Variants in WFS1 observed in about 807,000 individuals in gnomAD.
WFS1 encodes the protein wolframin.
A neutral mutation model predicts 68.5 loss-of-function variants in WFS1; 90 were observed. That is an observed-to-expected ratio of 1.31 (90% CI 1.11 to 1.56). The LOEUF (loss-of-function observed/expected upper bound fraction) is 1.56. WFS1 is among the 40% of genes most tolerant of loss of function. The probability of loss-of-function intolerance (pLI) is 0.00; values close to 1 mark genes in which losing one functional copy is unlikely to be tolerated. For missense variants in WFS1, 1,767 were observed against 1,232.6 expected (o/e 1.43, Z -6.49); for synonymous variants, 860 against 540.7 (o/e 1.59, Z -8.19).
chr4:6,280,581 G>C (rs915719941), intron 2 of WFS1, among the ~76,000 whole-genome samples: 3 of 152,134 alleles, frequency 2.0e-5, no homozygotes, highest in Non-Finnish European at 4.4e-5. Flanking sequence ...GCTAAAGGGC[G>C]GGCTCAGATG....
intron 7 of WFS1, among the ~76,000 whole-genome samples, chr4:6,299,386 C>T (rs1730759324): frequency 6.6e-6 from 1 of 151,640 alleles, no homozygotes; most frequent in Admixed American, 6.6e-5. Context: ...CAGCCTTTGG[C>T]CTTGACTATG....
At chr4:6,299,201 G>A (rs973678387) in intron 7 of WFS1, among the ~76,000 whole-genome samples, 4 of 152,248 alleles carry the variant, frequency 2.6e-5, no homozygotes, top group African/African-American at 9.6e-5. Context: ...CACAGACCAG[G>A]AAGGCATGAG....
In WFS1 at chr4:6,291,185, C is replaced by A. The variant is rs71524346; in HGVS notation, c.461-12C>A. On this transcript the variant is annotated splice_polypyrimidine_tract_variant and intron_variant, in intron 4 of 7. Coordinates refer to ENST00000226760, the MANE Select transcript of WFS1 (RefSeq NM_006005.3). ...GGGCACACAAGGCCTTTGACCACAT[C>A]CTATCCCTCAGGCATCACGTCCGAG... The A allele has an allele frequency of 6.2e-7, 1 of 1,611,730 alleles. No homozygotes were observed. The highest frequency in any genetic ancestry group is 8.5e-7 in the Non-Finnish European group (1 of 1,180,014).
chr4:6,300,505 G>A (rs1730839094), intron 7 of WFS1, 152 bp from the exon 8 acceptor site: 1 of 1,193,170 alleles, frequency 8.4e-7, no homozygotes. Flanking sequence ...GGAGAAGGGG[G>A]GAGGGAGGAC....
intron 7 of WFS1, among the ~76,000 whole-genome samples, chr4:6,300,381 A>C (rs1321799724): frequency 6.6e-6 from 1 of 152,140 alleles, no homozygotes; most frequent in African/African-American, 2.4e-5. Context: ...AGAGAAGCAC[A>C]CATGCATCTA....
intron 1 of WFS1, among the ~76,000 whole-genome samples, chr4:6,275,078 C>T (rs62283057): frequency 0.12 from 18,682 of 152,068 alleles, 1,364 homozygotes; most frequent in Non-Finnish European, 0.16. Context: ...GAGGAACTCA[C>T]GACAATAGGA....
At chr4:6,277,001 C>T (rs918182654) in intron 1 of WFS1, among the ~76,000 whole-genome samples, 3 of 152,268 alleles carry the variant, frequency 2.0e-5, no homozygotes, top group Admixed American at 1.3e-4. Context: ...TCCTTAAATA[C>T]ATCTTCAAAG....
chr4:6,274,110 G>C (rs1312637943), intron 1 of WFS1, among the ~76,000 whole-genome samples: 1 of 151,228 alleles, frequency 6.6e-6, no homozygotes, highest in African/African-American at 2.4e-5. Flanking sequence ...GCAGTGGCGC[G>C]ATCTCGGCTC....
At chr4:6,285,067 G>A (rs1341246437) in intron 2 of WFS1, among the ~76,000 whole-genome samples, 2 of 151,738 alleles carry the variant, frequency 1.3e-5, no homozygotes, top group African/African-American at 4.8e-5. Flanking sequence ...GTGTCCAAAA[G>A]GGCTGCCCTG....
chr4:6,302,757 G>A lies in WFS1; in HGVS notation c.*289G>A, dbSNP rs536159199. On this transcript the variant is annotated 3_prime_UTR_variant, in exon 8 of 8. Coordinates refer to ENST00000226760, the MANE Select transcript of WFS1 (RefSeq NM_006005.3). The stretch of plus-strand genomic sequence containing the variant: ...GTGCCAGGCTAGACTAGGAGGTTCC[G>A]GTGTCTGGAAAAGCACTTTACAGAT... The A allele has an allele frequency of 8.6e-5, 46 of 532,236 alleles. 1 individual carries two copies. Among genetic ancestry groups the A allele is most frequent in the East Asian group, 6.1e-4 (19 of 30,906 alleles). 33.0% of individuals were successfully genotyped at this position (532,236 alleles called of 1,614,324 possible).
intron 1 of WFS1, among the ~76,000 whole-genome samples, chr4:6,274,696 G>A (rs1042282071): frequency 6.6e-6 from 1 of 152,126 alleles, no homozygotes; most frequent in African/African-American, 2.4e-5. Flanking sequence ...TCTAGGCTGG[G>A]GGAGGGGGGT....
rs200100249 is a variant in WFS1, at chr4:6,299,935, TGC to T, written c.862-720_862-719del. ...TGTGTATGGGGTGGGTTTGTGTGAA[TGC>T]GTGTGTGTAGGGGTGGGTTGCGTGT... On this transcript the variant is annotated intron_variant, in intron 7 of 7. Transcript: ENST00000226760. 8.5e-4 allele frequency among the ~76,000 whole-genome samples: 117 copies of T among 137,962 alleles called. 4 individuals carry two copies. The East Asian group carries it at 0.023, about 27-fold the overall frequency. The allele number at this position is 137,962 out of a possible 152,430, so 90.5% of individuals were successfully genotyped here. A position where few individuals can be genotyped will look rare whatever the true frequency, so the allele number is the denominator to read the frequency against.
intron 4 of WFS1, among the ~76,000 whole-genome samples, chr4:6,290,951 C>G (rs1730443227): frequency 6.6e-6 from 1 of 152,230 alleles, no homozygotes; most frequent in South Asian, 2.1e-4. Flanking sequence ...CTGCCTTCTT[C>G]CCGCCAGCAT....
chr4:6,299,577 GTGAA>G (rs1385076523), intron 7 of WFS1, among the ~76,000 whole-genome samples: 1 of 74,002 alleles, frequency 1.4e-5, no homozygotes, highest in Admixed American at 1.5e-4. Context: ...TTGCGTGTGT[GTGAA>G]TGTGTGTGTA....
intron 1 of WFS1, among the ~76,000 whole-genome samples, chr4:6,274,952 C>A (rs916177425): frequency 6.6e-6 from 1 of 152,100 alleles, no homozygotes; most frequent in African/African-American, 2.4e-5. Flanking sequence ...TTGAGCAGGT[C>A]CCTCCCCTCC....
Position 6,301,551 on chromosome 4 carries a change from G to T in WFS1, c.1756G>T (p.Ala586Ser), listed in dbSNP as rs143084511. 3.1e-6 allele frequency: 5 copies of T among 1,614,038 alleles called. No homozygotes were observed. The highest frequency in any genetic ancestry group is 1.3e-5 in the African/African-American group (1 of 75,056). The stretch of plus-strand genomic sequence containing the variant: ...GGCCCTGGTGGGCGTGCTGCAGTTC[G>T]CCCGGTGGTTCACGTCTCTGGAGCT... ...GLALVGVLQF[A>S]RWFTSLELTK... is the part of the protein sequence containing the mutation. Residue 586 changes from alanine (A) to serine (S), a missense_variant, in exon 8 of 8, where the codon GCC becomes TCC. Ala to Ser is a moderately conservative substitution (Grantham distance 99). Transcript: ENST00000226760.
At chr4:6,299,205 G>A (rs1258085232) in intron 7 of WFS1, among the ~76,000 whole-genome samples, 2 of 152,362 alleles carry the variant, frequency 1.3e-5, no homozygotes, top group Non-Finnish European at 1.5e-5. Context: ...GACCAGGAAG[G>A]CATGAGGGCT....
Position 6,302,084 on chromosome 4 carries a change from C to T in WFS1, c.2289C>T (p.His763=). ...ELCRLKLLAK[H]PCHIKKFDRY... ...GTCGCCTTAAGCTGCTGGCCAAGCA[C>T]CCCTGCCACATCAAGAAGTTCGACC... Residue 763 remains histidine, a synonymous_variant, in exon 8 of 8, where the codon CAC becomes CAT. Transcript: ENST00000226760. The T allele has an allele frequency of 2.5e-6, 4 of 1,612,920 alleles. No homozygotes were observed. Among genetic ancestry groups the T allele is most frequent in the South Asian group, 1.1e-5 (1 of 91,092 alleles).
chr4:6,300,166 C>T (rs1730824143), intron 7 of WFS1, among the ~76,000 whole-genome samples: 1 of 152,122 alleles, frequency 6.6e-6, no homozygotes, highest in South Asian at 2.1e-4. Flanking sequence ...CGGGGACTGC[C>T]TGCGGCTTCT....
Sources: gnomAD v4.1 joint callset for allele counts (sites outside exome capture counted in the v4.1 genomes callset) on GRCh38, gnomAD v4.1.1 for gene constraint, MANE v1.5 for transcripts, NCBI Gene and HGNC (gene_info 2026-07-23, HGNC 2026-07-21) for gene names.